LPIN2: variants seen among roughly 807,000 people sequenced by gnomAD.
LPIN2 encodes phosphatidate phosphatase LPIN2.
In LPIN2, 55 loss-of-function variants were observed where a neutral mutation model predicts 111.4. The observed-to-expected ratio is 0.49, with a 90% CI of 0.40 to 0.62. LPIN2 has a LOEUF of 0.62. Among genes scored for constraint, LPIN2 ranks in the 20% least tolerant of loss-of-function variants. The pLI, the probability that LPIN2 is intolerant of heterozygous loss-of-function variation, is 0.00. For synonymous variants in LPIN2, 425 were observed against 414.0 expected, an observed-to-expected ratio of 1.03 and a Z score of -0.32; for missense variants, 992 against 1,112.1, an observed-to-expected ratio of 0.89 and a Z score of 1.54.
At chr18:2,955,872 G>A (rs1019055591) in intron 2 of LPIN2, among the ~76,000 whole-genome samples, 1 of 152,162 alleles carries the variant, frequency 6.6e-6, no homozygotes, top group East Asian at 1.9e-4. Flanking sequence ...CCGAGATCAC[G>A]CCATTGCACT....
In LPIN2 at chr18:2,951,269, C is replaced by A. The variant is rs2143107994; in HGVS notation, c.376G>T (p.Gly126Cys). 1 of 1,613,962 alleles carries A rather than the reference C, an allele frequency of 6.2e-7. No homozygotes were observed. Among genetic ancestry groups the A allele is most frequent in the Non-Finnish European group, 8.5e-7 (1 of 1,179,962 alleles). ...KDIDTPLVKSGGDETPSQSSD... is the reference protein window; with the variant it reads ...KDIDTPLVKSCGDETPSQSSD... The stretch of plus-strand genomic sequence containing the variant: ...CTCTGAGATGGTGTTTCATCTCCAC[C>A]CGATTTCACCAAAGGGGTGTCAATA... The change falls in exon 4 of 20, where the codon GGT (glycine) becomes TGT (cysteine). Residue 126 changes from glycine to cysteine, a missense_variant. Transcript: ENST00000677752.
At chr18:2,991,460 T>G (rs1042582277) in intron 1 of LPIN2, among the ~76,000 whole-genome samples, 1 of 152,152 alleles carries the variant, frequency 6.6e-6, no homozygotes, top group Admixed American at 6.5e-5. Context: ...GCACAGTGGC[T>G]CACACTGGGG....
chr18:2,985,513 T>C (rs1049143343), intron 1 of LPIN2: 10 of 146,510 alleles, frequency 6.8e-5, no homozygotes, highest in Non-Finnish European at 1.5e-4. Context: ...CAAAAAAAAA[T>C]AGTCTAACTT....
chr18:3,003,824 C>A (rs1392722205), intron 1 of LPIN2, among the ~76,000 whole-genome samples: 1 of 152,196 alleles, frequency 6.6e-6, no homozygotes, highest in African/African-American at 2.4e-5. Flanking sequence ...ACCATAAGGT[C>A]TGACTGCCTG....
chr18:2,945,215 A>G (rs904416660), intron 4 of LPIN2, among the ~76,000 whole-genome samples: 27 of 152,246 alleles, frequency 1.8e-4, no homozygotes, highest in African/African-American at 5.3e-4. Flanking sequence ...AAAGACATAA[A>G]AAAAGTTCCT....
intron 1 of LPIN2, among the ~76,000 whole-genome samples, chr18:2,999,793 G>A (rs1367868304): frequency 6.6e-6 from 1 of 152,070 alleles, no homozygotes; most frequent in Non-Finnish European, 1.5e-5. Context: ...ATGAGAAAGC[G>A]CTCTTGGAAA....
Position 2,953,611 on chromosome 18 carries a change from C to T in LPIN2, c.288+893G>A, listed in dbSNP as rs8095489. ...ATGATAAACAATCTCATTTTGCTAT[C>T]GTATTTTTTGGTAATAATTTTCTTT... On this transcript the variant is annotated intron_variant, in intron 3 of 19. Transcript: ENST00000677752. 8.4e-3 allele frequency among the ~76,000 whole-genome samples: 1,275 copies of T among 152,196 alleles called. 21 individuals are homozygous for T. The highest frequency in any genetic ancestry group is 0.029 in the African/African-American group (1,206 of 41,518).
chr18:2,927,572 G>T (rs1306351084), intron 12 of LPIN2, 150 bp downstream of exon 12: 15 of 733,886 alleles, frequency 2.0e-5, no homozygotes. Flanking sequence ...GACAACACCT[G>T]CACGTCCTAA....
At chr18:3,001,548 G>A (rs1246644620) in intron 1 of LPIN2, among the ~76,000 whole-genome samples, 2 of 152,076 alleles carry the variant, frequency 1.3e-5, no homozygotes, top group Admixed American at 1.3e-4. Flanking sequence ...GTGCGTGTGA[G>A]AGGAGGGTTA....
At chr18:2,954,469 A>C in intron 3 of LPIN2, 35 bp downstream of exon 3, 1 of 1,486,360 alleles carries the variant, frequency 6.7e-7, no homozygotes, top group Non-Finnish European at 9.4e-7. Context: ...GCCTGAGCAC[A>C]CTGTGTAAGG....
At chr18:2,985,695 T>C (rs2078177773) in intron 1 of LPIN2, among the ~76,000 whole-genome samples, 1 of 152,194 alleles carries the variant, frequency 6.6e-6, no homozygotes, top group Non-Finnish European at 1.5e-5. Context: ...TATAACGATT[T>C]ATTTAAAACT....
Position 2,951,086 on chromosome 18 carries a change from A to C in LPIN2, c.559T>G (p.Ser187Ala). ...GCCTGGGCCCCCTTGTCATCATCGG[A>C]GCTCACGCCTACATCACATGTGTCT... Reference protein sequence around the residue: ...AEDTCDVGVSSDDDKGAQAAR... With the variant: ...AEDTCDVGVSADDDKGAQAAR... Residue 187 changes from serine to alanine, a missense_variant, in exon 4 of 20, where the codon TCC becomes GCC. Physicochemically the swap from Ser to Ala is moderately conservative, Grantham distance 99. Around this residue, in one of 4 missense-constraint regions of LPIN2, gnomAD observed 709 missense variants for 753.2 expected, o/e 0.94. Coordinates refer to ENST00000677752, the MANE Select transcript of LPIN2 (RefSeq NM_001375808.2). 1.2e-6 allele frequency: 2 copies of C among 1,614,108 alleles called. No homozygotes were observed. The highest frequency in any genetic ancestry group is 1.3e-5 in the African/African-American group (1 of 75,018).
At chr18:2,958,765 A>C (rs1395731841) in intron 2 of LPIN2, among the ~76,000 whole-genome samples, 1 of 152,138 alleles carries the variant, frequency 6.6e-6, no homozygotes, top group African/African-American at 2.4e-5. Flanking sequence ...TTTGCACAGG[A>C]ATTGTATTAT....
intron 1 of LPIN2, among the ~76,000 whole-genome samples, chr18:3,002,263 C>G (rs911273070): frequency 7.6e-6 from 1 of 131,866 alleles, no homozygotes; most frequent in Non-Finnish European, 1.6e-5. Flanking sequence ...AAAAAACCCA[C>G]CATAACAACA....
chr18:2,951,167 T>G lies in LPIN2; in HGVS notation c.478A>C (p.Lys160Gln). 6.2e-7 allele frequency: 1 copy of G among 1,614,228 alleles called. No individual in the cohort carries two copies. Among genetic ancestry groups the G allele is most frequent in the Non-Finnish European group, 8.5e-7 (1 of 1,180,046 alleles). The change falls in exon 4 of 20, where the codon AAG (lysine) becomes CAG (glutamine). Residue 160 changes from lysine (K) to glutamine (Q), a missense_variant. By Grantham distance (53) the Lys-to-Gln change is moderately conservative. Coordinates refer to ENST00000677752, the MANE Select transcript of LPIN2 (RefSeq NM_001375808.2). The part of the protein sequence containing the change: ...SSVKKKKRRR[K>Q]KYKQDSKKEE... The stretch of plus-strand genomic sequence containing the variant: ...TTCTTACTGTCCTGTTTGTATTTCT[T>G]TCTCCTTCGTTTTTTCTTTTTCACA...
chr18:2,975,825 A>G (rs1317061316), intron 1 of LPIN2, among the ~76,000 whole-genome samples: 1 of 152,202 alleles, frequency 6.6e-6, no homozygotes, highest in Non-Finnish European at 1.5e-5. Context: ...AAAGGCACAC[A>G]ATTTCAGCAG....
chr18:3,010,091 C>T (rs1038246225), intron 1 of LPIN2, among the ~76,000 whole-genome samples: 1 of 152,226 alleles, frequency 6.6e-6, no homozygotes, highest in Non-Finnish European at 1.5e-5. Flanking sequence ...TTCCCCACTA[C>T]ACATGGGTTG....
At chr18:2,934,690 TTGAG>T (rs1257553363) in intron 7 of LPIN2, among the ~76,000 whole-genome samples, 1 of 152,254 alleles carries the variant, frequency 6.6e-6, no homozygotes, top group Non-Finnish European at 1.5e-5. Context: ...TTGCTGTTAA[TTGAG>T]TAATACTAGC....
At chr18:2,926,029 C>A (rs2077124961) in intron 13 of LPIN2, among the ~76,000 whole-genome samples, 1 of 152,124 alleles carries the variant, frequency 6.6e-6, no homozygotes, top group African/African-American at 2.4e-5. Context: ...CCTGTAGTCC[C>A]AGCTACTTAG....
Sources: allele counts gnomAD v4.1 joint callset (sites outside exome capture counted in the v4.1 genomes callset), GRCh38; gene constraint gnomAD v4.1.1; regional missense constraint gnomAD v4.1.1; transcripts MANE v1.5; gene names NCBI Gene and HGNC (gene_info 2026-07-23, HGNC 2026-07-21).